Variants in SMIM35 observed in about 807,000 individuals in gnomAD.
SMIM35 encodes small integral membrane protein 35, also known as TMPRSS4 antisense RNA 1 (non-protein coding).
At chr11:118,067,493 A>T (rs1944494759) in intron 1 of SMIM35, 1 of 151,940 alleles carries the variant, frequency 6.6e-6, no homozygotes, top group African/African-American at 2.4e-5. Flanking sequence ...ATGCCTGTGA[A>T]TAGCCACTGC....
intron 1 of SMIM35, among the ~76,000 whole-genome samples, chr11:118,056,523 G>A (rs932297151): frequency 2.4e-4 from 36 of 152,332 alleles, no homozygotes; most frequent in Middle Eastern, 3.4e-3. Flanking sequence ...ACGAGGAGAT[G>A]TCCATGGGGC....
intron 1 of SMIM35, among the ~76,000 whole-genome samples, chr11:118,024,081 T>G (rs1245887059): frequency 6.6e-6 from 1 of 151,720 alleles, no homozygotes; most frequent in East Asian, 1.9e-4. Flanking sequence ...TCAAGCCACC[T>G]AATATATGTG....
At chr11:118,054,338 C>A (rs1458902058) in intron 1 of SMIM35, among the ~76,000 whole-genome samples, 1 of 152,114 alleles carries the variant, frequency 6.6e-6, no homozygotes, top group African/African-American at 2.4e-5. Flanking sequence ...TTCTGTACAT[C>A]TGCCTTTGTG....
intron 4 of SMIM35, among the ~76,000 whole-genome samples, chr11:118,008,396 G>A (rs1227642201): frequency 1.3e-5 from 2 of 152,190 alleles, no homozygotes; most frequent in Non-Finnish European, 2.9e-5. Flanking sequence ...CTGGAGCAGA[G>A]AGTGGAGCAC....
chr11:118,023,058 A>G (rs1026759533), intron 1 of SMIM35, among the ~76,000 whole-genome samples: 1 of 151,886 alleles, frequency 6.6e-6, no homozygotes, highest in African/African-American at 2.4e-5. Context: ...ATATATTTAT[A>G]GGCAAACAAA....
chr11:118,049,484 G>A (rs866161141), intron 1 of SMIM35, among the ~76,000 whole-genome samples: 1 of 151,402 alleles, frequency 6.6e-6, no homozygotes, highest in Non-Finnish European at 1.5e-5. Flanking sequence ...GAGTAGCTGG[G>A]ATTACAGGCA....
intron 1 of SMIM35, among the ~76,000 whole-genome samples, chr11:118,031,063 G>T (rs1037344894): frequency 5.3e-5 from 8 of 152,184 alleles, no homozygotes; most frequent in African/African-American, 1.7e-4. Flanking sequence ...TAAGTAGTAT[G>T]TTAAGACTAA....
At chr11:118,047,699 T>C (rs1266674728) in intron 1 of SMIM35, among the ~76,000 whole-genome samples, 1 of 152,156 alleles carries the variant, frequency 6.6e-6, no homozygotes, top group Non-Finnish European at 1.5e-5. Context: ...GAGAAGCAAA[T>C]AAGTTATTTC....
chr11:118,062,574 C>CGGAGAACA (rs1944407448), intron 1 of SMIM35, among the ~76,000 whole-genome samples: 1 of 152,166 alleles, frequency 6.6e-6, no homozygotes, highest in Non-Finnish European at 1.5e-5. Context: ...CCATTTGCAA[C>CGGAGAACA]GGAGAACAGG....
chr11:118,055,734 A>T (rs1944300722), intron 1 of SMIM35, among the ~76,000 whole-genome samples: 1 of 152,200 alleles, frequency 6.6e-6, no homozygotes, highest in African/African-American at 2.4e-5. Context: ...CTCCTTGGTT[A>T]TTGATTCGAT....
intron 1 of SMIM35, among the ~76,000 whole-genome samples, chr11:118,051,719 C>T (rs563256646): frequency 6.6e-6 from 1 of 152,326 alleles, no homozygotes; most frequent in Non-Finnish European, 1.5e-5. Context: ...AAACACACCA[C>T]AGGAAGGGGA....
intron 1 of SMIM35, among the ~76,000 whole-genome samples, chr11:118,047,133 G>A (rs1944109695): frequency 6.6e-6 from 1 of 152,272 alleles, no homozygotes; most frequent in African/African-American, 2.4e-5. Flanking sequence ...CCACCCCAAT[G>A]CGGTGACCTT....
intron 2 of SMIM35, among the ~76,000 whole-genome samples, chr11:118,014,992 C>T (rs996951573): frequency 6.6e-6 from 1 of 152,210 alleles, no homozygotes; most frequent in Non-Finnish European, 1.5e-5. Context: ...CAGACTCCAC[C>T]TCATTCTAAC....
chr11:118,042,042 C>CT (rs1294719656), intron 1 of SMIM35, among the ~76,000 whole-genome samples: 1 of 123,160 alleles, frequency 8.1e-6, no homozygotes, highest in African/African-American at 3.1e-5. Flanking sequence ...CAGAGTGAGA[C>CT]TCTGTCACAA....
intron 1 of SMIM35, among the ~76,000 whole-genome samples, chr11:118,020,552 T>C (rs112963160): frequency 6.6e-6 from 1 of 152,230 alleles, no homozygotes; most frequent in Admixed American, 6.5e-5. Context: ...TCATCTTTTA[T>C]AGACTGTCAT....
At chr11:118,081,274 G>T (rs540615518) in intron 1 of SMIM35, among the ~76,000 whole-genome samples, 73 of 152,336 alleles carry the variant, frequency 4.8e-4, no homozygotes, top group African/African-American at 1.6e-3. Flanking sequence ...CCCAGAGGGG[G>T]ATGGGCATGA....
At chr11:118,077,670 C>T (rs1944766454) in intron 1 of SMIM35, among the ~76,000 whole-genome samples, 1 of 152,174 alleles carries the variant, frequency 6.6e-6, no homozygotes, top group Non-Finnish European at 1.5e-5. Flanking sequence ...TCTGATGCCA[C>T]GGTTGCCCTC....
At chr11:118,037,797 C>T (rs1943929890) in intron 1 of SMIM35, among the ~76,000 whole-genome samples, 1 of 152,182 alleles carries the variant, frequency 6.6e-6, no homozygotes, top group Non-Finnish European at 1.5e-5. Context: ...AGTACTCCTG[C>T]TCCAATAACA....
chr11:118,053,056 A>G (rs1188803502), intron 1 of SMIM35, among the ~76,000 whole-genome samples: 2 of 152,202 alleles, frequency 1.3e-5, no homozygotes, highest in African/African-American at 4.8e-5. Context: ...CCGGAATCCC[A>G]GCACTTAGGG....
Sources: allele counts gnomAD v4.1 joint callset (sites outside exome capture counted in the v4.1 genomes callset), GRCh38; gene constraint gnomAD v4.1.1; transcripts MANE v1.5; gene names NCBI Gene and HGNC (gene_info 2026-07-23, HGNC 2026-07-21).